ZNF274: variants seen among roughly 807,000 people sequenced by gnomAD.
ZNF274 encodes neurotrophin receptor-interacting factor homolog.
ZNF274 carries 23 observed loss-of-function variants against 42.5 expected under a neutral mutation model. The ratio of observed to expected loss-of-function variants is 0.54; its 90% CI spans 0.39 to 0.77. ZNF274 has a LOEUF of 0.77. Among genes scored for constraint, ZNF274 ranks in the 30% least tolerant of loss-of-function variants. The probability of loss-of-function intolerance (pLI) is 0.00; values close to 1 mark genes in which losing one functional copy is unlikely to be tolerated. For synonymous variants in ZNF274, 292 were observed against 305.4 expected, an observed-to-expected ratio of 0.96 and a Z score of 0.46; for missense variants, 679 against 806.5, an observed-to-expected ratio of 0.84 and a Z score of 1.91.
At chr19:58,205,501 T>C (rs2075970190) in intron 4 of ZNF274, among the ~76,000 whole-genome samples, 1 of 152,120 alleles carries the variant, frequency 6.6e-6, no homozygotes, top group Non-Finnish European at 1.5e-5. Context: ...TCACACCTGA[T>C]TAATTTAAAC....
intron 4 of ZNF274, 72 bp from the exon 5 acceptor site, chr19:58,206,648 T>A (rs1307978442): frequency 6.8e-7 from 1 of 1,466,240 alleles, no homozygotes; most frequent in East Asian, 2.5e-5. Context: ...TGCATTTCCC[T>A]AGTGAATAAT....
chr19:58,194,206 TGTGTGTGTGTGG>T (rs1568701083), intron 4 of ZNF274, among the ~76,000 whole-genome samples: 1 of 151,592 alleles, frequency 6.6e-6, no homozygotes, highest in South Asian at 2.1e-4. Context: ...TTCAAAAATA[TGTGTGTGTGTGG>T]GTGTGTGTGT....
chr19:58,212,000 C>T lies in ZNF274; in HGVS notation c.980-161C>T, dbSNP rs1178886553. ...GTTCACCAAGGTCAGTGCTCCCCTC[C>T]CTGCCGCTTCATTGCTTTTCAGTCT... On this transcript the variant is annotated intron_variant, in intron 7 of 7. Coordinates refer to ENST00000617501, the MANE Select transcript of ZNF274 (RefSeq NM_133502.3). The surrounding 1 kb of genome is among the most constrained non-coding windows in gnomAD (Gnocchi z 4.8). Among the ~76,000 whole-genome samples the T allele has an allele frequency of 1.3e-5, 2 of 152,166 alleles. No homozygotes were observed. The highest frequency in any genetic ancestry group is 4.8e-5 in the African/African-American group (2 of 41,436).
chr19:58,187,822 T>A (rs1436270677), intron 4 of ZNF274, among the ~76,000 whole-genome samples: 1 of 152,128 alleles, frequency 6.6e-6, no homozygotes, highest in African/African-American at 2.4e-5. Flanking sequence ...GCCTCCTGGG[T>A]TCAAGTGATT....
chr19:58,210,039 A>C lies in ZNF274; in HGVS notation c.818A>C (p.Asp273Ala). The change falls in exon 6 of 8, where the codon GAT (aspartate) becomes GCT (alanine). Residue 273 changes from aspartate (D) to alanine (A), a missense_variant. Asp to Ala is a moderately radical substitution (Grantham distance 126, BLOSUM62 -2). Coordinates refer to ENST00000617501, the MANE Select transcript of ZNF274 (RefSeq NM_133502.3). ...VTAQQEEKQEDAAICPVTVLP... is the reference protein window; with the variant it reads ...VTAQQEEKQEAAAICPVTVLP... Reference sequence around the variant, plus strand: ...GCCCAGCAGGAGGAGAAGCAGGAGGATGCAGCCATCTGCCCAGTGACAGTG... The same window carrying C: ...GCCCAGCAGGAGGAGAAGCAGGAGGCTGCAGCCATCTGCCCAGTGACAGTG... The C allele has an allele frequency of 6.2e-7, 1 of 1,613,802 alleles. No individual in the cohort carries two copies. Among genetic ancestry groups the C allele is most frequent in the Non-Finnish European group, 8.5e-7 (1 of 1,179,796 alleles).
rs1688739376 is a variant in ZNF274, at chr19:58,213,279, T to C, written c.*136T>C. On this transcript the variant is annotated 3_prime_UTR_variant, in exon 8 of 8. Coordinates refer to ENST00000617501, the MANE Select transcript of ZNF274 (RefSeq NM_133502.3). ...GACATTCCCAAAACCAAAGGACAAC[T>C]GAGGAGACTGCCCAGCACATAATGA... 2 of 1,102,574 alleles carry C rather than the reference T, an allele frequency of 1.8e-6. No homozygotes were observed. The highest frequency in any genetic ancestry group is 1.3e-6 in the Non-Finnish European group (1 of 797,610). 68.3% of individuals were successfully genotyped at this position (1,102,574 alleles called of 1,614,324 possible). A position where few individuals can be genotyped will look rare whatever the true frequency, so the allele number is the denominator to read the frequency against.
rs757239426 is a variant in ZNF274, at chr19:58,212,291, C to T, written c.1110C>T (p.Thr370=). 6.2e-7 allele frequency: 1 copy of T among 1,613,946 alleles called. No individual in the cohort carries two copies. The highest frequency in any genetic ancestry group is 1.7e-5 in the Admixed American group (1 of 60,022). Residue 370 remains threonine (T), a synonymous_variant, in exon 8 of 8, where the codon ACC becomes ACT. Coordinates refer to ENST00000617501, the MANE Select transcript of ZNF274 (RefSeq NM_133502.3). The surrounding 1 kb of genome is among the most constrained non-coding windows in gnomAD (Gnocchi z 4.6). Reference sequence around the variant, plus strand: ...CCTTGTCCTCTACATTAGAAGATACCTTGCAGGGTGGGGTCCAGGAAGTCC... The same window carrying T: ...CCTTGTCCTCTACATTAGAAGATACTTTGCAGGGTGGGGTCCAGGAAGTCC... The part of the protein sequence containing the change: ...DCALSSTLED[T]LQGGVQEVQD...
chr19:58,211,386 G>T lies in ZNF274; in HGVS notation c.853-174G>T. 2 of 722,390 alleles carry T rather than the reference G, an allele frequency of 2.8e-6. No individual in the cohort carries two copies. The highest frequency in any genetic ancestry group is 1.8e-5 in the African/African-American group (1 of 55,460). 44.7% of individuals were successfully genotyped at this position (722,390 alleles called of 1,614,324 possible). A position where few individuals can be genotyped will look rare whatever the true frequency, so the allele number is the denominator to read the frequency against. ...CAGCCTGAGACCCAGACCCTGGTTTGGACCCAGTAGAACTCTTGTGGGCCC... is the reference window on the plus strand; with the variant it reads ...CAGCCTGAGACCCAGACCCTGGTTTTGACCCAGTAGAACTCTTGTGGGCCC... On this transcript the variant is annotated intron_variant, in intron 6 of 7. Coordinates refer to ENST00000617501, the MANE Select transcript of ZNF274 (RefSeq NM_133502.3). The surrounding 1 kb of genome is among the most constrained non-coding windows in gnomAD (Gnocchi z 4.8).
chr19:58,209,997 G>A lies in ZNF274; in HGVS notation c.776G>A (p.Cys259Tyr), dbSNP rs1776559204. Residue 259 changes from cysteine (C) to tyrosine (Y), a missense_variant, in exon 6 of 8, where the codon TGC (cysteine) becomes TAC (tyrosine). Cys to Tyr is a radical substitution (Grantham distance 194, BLOSUM62 -2). Transcript: ENST00000617501. ...PAGQPAEGTT[C>Y]CLEVTAQQEE... ...GGACAACCTGCCGAGGGCACCACCTGCTGCCTCGAGGTCACTGCCCAGCAG... is the reference window on the plus strand; with the variant it reads ...GGACAACCTGCCGAGGGCACCACCTACTGCCTCGAGGTCACTGCCCAGCAG... 6.2e-7 allele frequency: 1 copy of A among 1,613,612 alleles called. No homozygotes were observed.
rs2075652354 is a variant in ZNF274, at chr19:58,183,329, C to T, written c.-159C>T. 1.3e-5 allele frequency: 2 copies of T among 152,332 alleles called. No homozygotes were observed. Among genetic ancestry groups the T allele is most frequent in the South Asian group, 4.1e-4 (2 of 4,902 alleles). 9.4% of individuals were successfully genotyped at this position (152,332 alleles called of 1,614,324 possible). A position where few individuals can be genotyped will look rare whatever the true frequency, so the allele number is the denominator to read the frequency against. Reference sequence around the variant, plus strand: ...CTAACCGGCCAGTCAAGATGGCCGCCGCTGGGTGAGGCAAGCTGGCGCGCC... The same window carrying T: ...CTAACCGGCCAGTCAAGATGGCCGCTGCTGGGTGAGGCAAGCTGGCGCGCC... On this transcript the variant is annotated 5_prime_UTR_variant, in exon 1 of 8. Coordinates refer to ENST00000617501, the MANE Select transcript of ZNF274 (RefSeq NM_133502.3).
chr19:58,206,678 T>C lies in ZNF274; in HGVS notation c.257-42T>C, dbSNP rs376727711. The C allele has an allele frequency of 2.0e-3, 3,087 of 1,506,116 alleles. 6 individuals carry two copies. The highest frequency in any genetic ancestry group is 2.5e-3 in the Non-Finnish European group (2,789 of 1,124,030). The allele number at this position is 1,506,116 out of a possible 1,614,324, so 93.3% of individuals were successfully genotyped here. A position where few individuals can be genotyped will look rare whatever the true frequency, so the allele number is the denominator to read the frequency against. On this transcript the variant is annotated intron_variant, in intron 4 of 7. Transcript: ENST00000617501. ...AATAATGGCGTTGAGCATCTTTTCATGTGCTTGTTCTCATTTGTCTTGCTC... is the reference window on the plus strand; with the variant it reads ...AATAATGGCGTTGAGCATCTTTTCACGTGCTTGTTCTCATTTGTCTTGCTC...
At chr19:58,192,569 ATGG>A (rs1173302616) in intron 4 of ZNF274, among the ~76,000 whole-genome samples, 1 of 152,176 alleles carries the variant, frequency 6.6e-6, no homozygotes, top group African/African-American at 2.4e-5. Flanking sequence ...CCAATATAAA[ATGG>A]TGTAGTGTTT....
chr19:58,191,087 A>G (rs1196273367), intron 4 of ZNF274, among the ~76,000 whole-genome samples: 1 of 152,182 alleles, frequency 6.6e-6, no homozygotes, highest in African/African-American at 2.4e-5. Flanking sequence ...AAACTATTTC[A>G]TCTGCAAAGT....
In ZNF274 at chr19:58,188,619, AAATATATAT is replaced by A. The variant is rs1313897395; in HGVS notation, c.256+1579_256+1587del. ...AGACTCCATCTCAAAAAAAAAAAAAAAATATATATATATATATATATATATATGTAAAAA... is the reference window on the plus strand; with the variant it reads ...AGACTCCATCTCAAAAAAAAAAAAAAATATATATATATATATATGTAAAAA... On this transcript the variant is annotated intron_variant, in intron 4 of 7. Coordinates refer to ENST00000617501, the MANE Select transcript of ZNF274 (RefSeq NM_133502.3). Among the ~76,000 whole-genome samples, 234 of 47,396 alleles carry A rather than the reference AAATATATAT, an allele frequency of 4.9e-3. 4 individuals carry two copies. Among genetic ancestry groups the A allele is most frequent in the Middle Eastern group, 9.3e-3 (1 of 108 alleles). The allele number at this position is 47,396 out of a possible 152,430, so 31.1% of individuals were successfully genotyped here.
chr19:58,199,963 A>C (rs2075890760), intron 4 of ZNF274, among the ~76,000 whole-genome samples: 1 of 152,236 alleles, frequency 6.6e-6, no homozygotes, highest in Non-Finnish European at 1.5e-5. Flanking sequence ...CATTCTAGCC[A>C]TCAACCTCTG....
Position 58,190,386 on chromosome 19 carries a change from G to C in ZNF274, c.256+3344G>C, listed in dbSNP as rs191639477. Among the ~76,000 whole-genome samples, 24 of 152,218 alleles carry C rather than the reference G, an allele frequency of 1.6e-4. No homozygotes were observed. The East Asian group carries it at 4.1e-3, about 26-fold the overall frequency. On this transcript the variant is annotated intron_variant, in intron 4 of 7. Coordinates refer to ENST00000617501, the MANE Select transcript of ZNF274 (RefSeq NM_133502.3). Reference sequence around the variant, plus strand: ...CATCATGGATAGTATATCCAAAATTGTGTGAAGCTCAGAGTTTAAAGAGTT... The same window carrying C: ...CATCATGGATAGTATATCCAAAATTCTGTGAAGCTCAGAGTTTAAAGAGTT...
intron 4 of ZNF274, among the ~76,000 whole-genome samples, chr19:58,193,057 A>C (rs931550677): frequency 9.2e-5 from 14 of 151,918 alleles, no homozygotes; most frequent in African/African-American, 3.1e-4. Flanking sequence ...TTTTCCCTCA[A>C]ATATTTTCAA....
rs570498124 is a variant in ZNF274, at chr19:58,195,733, A to G, written c.256+8691A>G. Reference sequence around the variant, plus strand: ...CGTGGACCTTGGGGTGGGGAGGGATAGTTTTGAGATGAAACTGTTCCACCC... The same window carrying G: ...CGTGGACCTTGGGGTGGGGAGGGATGGTTTTGAGATGAAACTGTTCCACCC... On this transcript the variant is annotated intron_variant, in intron 4 of 7. Transcript: ENST00000617501. Among the ~76,000 whole-genome samples, 8 of 152,238 alleles carry G rather than the reference A, an allele frequency of 5.3e-5. No homozygotes were observed. The South Asian group carries it at 1.7e-3, about 32-fold the overall frequency.
At chr19:58,185,062 G>A (rs1468020460) in intron 2 of ZNF274, among the ~76,000 whole-genome samples, 2 of 151,168 alleles carry the variant, frequency 1.3e-5, no homozygotes, top group Non-Finnish European at 2.9e-5. Context: ...GGAGCTTGCA[G>A]TGAGCCGAGA....
Sources: allele counts gnomAD v4.1 joint callset (sites outside exome capture counted in the v4.1 genomes callset), GRCh38; gene constraint gnomAD v4.1.1; non-coding constraint Gnocchi (gnomAD v3.1); transcripts MANE v1.5; gene names NCBI Gene and HGNC (gene_info 2026-07-23, HGNC 2026-07-21).